Variants in NAV2 observed in about 807,000 individuals in gnomAD.
The protein encoded by NAV2 is helicase, APC down-regulated 1.
NAV2 carries 54 observed loss-of-function variants against 223.2 expected under a neutral mutation model. That is an observed-to-expected ratio of 0.24 (90% confidence interval 0.19 to 0.30). NAV2 has a LOEUF of 0.30. Among genes scored for constraint, NAV2 ranks in the 10% least tolerant of loss-of-function variants. NAV2 has a pLI of 1.00. For synonymous variants in NAV2, 1,279 were observed against 1,239.3 expected, an observed-to-expected ratio of 1.03 and a Z score of -0.67; for missense variants, 2,806 against 3,147.5, an observed-to-expected ratio of 0.89 and a Z score of 2.60.
At chr11:19,718,534 C>T (rs1237763217) in intron 1 of NAV2, among the ~76,000 whole-genome samples, 1 of 131,076 alleles carries the variant, frequency 7.6e-6, no homozygotes, top group East Asian at 2.0e-4. Flanking sequence ...CAACCTGTGG[C>T]AACTTTGCTC....
At chr11:19,643,114 A>G (rs954764410) in intron 1 of NAV2, among the ~76,000 whole-genome samples, 10 of 152,172 alleles carry the variant, frequency 6.6e-5, no homozygotes, top group Non-Finnish European at 2.9e-5. Context: ...TTGATCCTAT[A>G]CACAATTATA....
intron 1 of NAV2, among the ~76,000 whole-genome samples, chr11:19,661,968 AC>A (rs2048294924): frequency 6.6e-6 from 1 of 152,168 alleles, no homozygotes; most frequent in African/African-American, 2.4e-5. Flanking sequence ...GTATATGTCC[AC>A]CCCAATCAAT....
At chr11:19,895,100 CTTTCTTTT>C (rs1223951177) in intron 6 of NAV2, among the ~76,000 whole-genome samples, 1 of 105,084 alleles carries the variant, frequency 9.5e-6, no homozygotes, top group Non-Finnish European at 2.0e-5. Context: ...TTTTCTTTTT[CTTTCTTTT>C]TTTTTTTTTT....
intron 6 of NAV2, among the ~76,000 whole-genome samples, chr11:19,895,036 C>A (rs1029144144): frequency 6.7e-6 from 1 of 150,032 alleles, no homozygotes; most frequent in Admixed American, 6.6e-5. Flanking sequence ...GGCTATCATA[C>A]TTATTTATTA....
intron 1 of NAV2, among the ~76,000 whole-genome samples, chr11:19,734,456 G>A (rs2052093326): frequency 6.6e-6 from 1 of 152,158 alleles, no homozygotes; most frequent in Admixed American, 6.5e-5. Context: ...TTCAGGGTGT[G>A]CTATCCTAAA....
intron 8 of NAV2, among the ~76,000 whole-genome samples, chr11:19,945,952 ATCT>A (rs1695000055): frequency 6.6e-6 from 1 of 152,252 alleles, no homozygotes; most frequent in Admixed American, 6.5e-5. Context: ...ACAGGTGCAG[ATCT>A]TCTAGCTACT....
Position 20,080,094 on chromosome 11 carries a change from G to A in NAV2, c.5210G>A (p.Arg1737His), listed in dbSNP as rs764843299. ...GGCACTGCCCAGTCTGCAGACCTCC[G>A]CATCCGCAGGCAGCACTCCTCAGAC... is the stretch of plus-strand genomic sequence containing the variant. The part of the protein sequence containing the change: ...GNGTAQSADL[R>H]IRRQHSSDSV... Residue 1737 changes from arginine to histidine, a missense_variant, in exon 25 of 38, where the codon CGC (arginine) becomes CAC (histidine). Physicochemically the swap from Arg to His is conservative, Grantham distance 29. Around this residue, in one of 4 missense-constraint regions of NAV2, gnomAD observed 824 missense variants for 1,069.4 expected, o/e 0.77. Coordinates refer to ENST00000349880, the MANE Select transcript of NAV2 (RefSeq NM_145117.5). The A allele has an allele frequency of 1.2e-5, 19 of 1,613,934 alleles. No homozygotes were observed. The highest frequency in any genetic ancestry group is 2.2e-5 in the East Asian group (1 of 44,896).
chr11:20,097,999 A>G (rs1422145731), intron 31 of NAV2, among the ~76,000 whole-genome samples: 1 of 152,182 alleles, frequency 6.6e-6, no homozygotes, highest in Admixed American at 6.5e-5. Flanking sequence ...CTCTGAGATG[A>G]TGGAATCTTA....
chr11:19,952,517 G>A (rs2047482855), intron 10 of NAV2, among the ~76,000 whole-genome samples: 1 of 152,184 alleles, frequency 6.6e-6, no homozygotes, highest in Non-Finnish European at 1.5e-5. Flanking sequence ...ATGTTTATTT[G>A]GCTTAGTAGA....
At chr11:19,976,398 C>T (rs1591501555) in intron 10 of NAV2, among the ~76,000 whole-genome samples, 1 of 152,172 alleles carries the variant, frequency 6.6e-6, no homozygotes. Flanking sequence ...TTCAAGCAGT[C>T]CTCAGCACTG....
chr11:19,824,115 T>G (rs1166209951), intron 1 of NAV2, among the ~76,000 whole-genome samples: 1 of 152,182 alleles, frequency 6.6e-6, no homozygotes, highest in African/African-American at 2.4e-5. Context: ...GGTTGTTTAT[T>G]TACTACATAC....
intron 4 of NAV2, among the ~76,000 whole-genome samples, chr11:19,872,768 G>A (rs1201391093): frequency 2.6e-5 from 4 of 152,232 alleles, no homozygotes; most frequent in South Asian, 2.1e-4. Flanking sequence ...GGGCACAGAC[G>A]GCGGATGCTT....
At chr11:19,502,371 G>A (rs1676292095) in intron 1 of NAV2, among the ~76,000 whole-genome samples, 1 of 152,146 alleles carries the variant, frequency 6.6e-6, no homozygotes, top group South Asian at 2.1e-4. Context: ...AAAGCACTTA[G>A]AATAGAGCCA....
At chr11:19,363,323 A>G (rs959278719) in intron 1 of NAV2, among the ~76,000 whole-genome samples, 1 of 152,090 alleles carries the variant, frequency 6.6e-6, no homozygotes, top group Non-Finnish European at 1.5e-5. Context: ...ATCCTTTTTT[A>G]TGGCTGCATA....
chr11:19,689,299 C>T (rs1319322875), intron 1 of NAV2, among the ~76,000 whole-genome samples: 1 of 152,186 alleles, frequency 6.6e-6, no homozygotes, highest in Non-Finnish European at 1.5e-5. Context: ...ATGCCAAACC[C>T]AAAATAATTT....
chr11:19,574,155 G>A (rs1487204), intron 1 of NAV2, among the ~76,000 whole-genome samples: 81,435 of 152,102 alleles, frequency 0.54, 24,004 homozygotes, highest in Non-Finnish European at 0.68. Flanking sequence ...ATAAAACTGA[G>A]CAAGTTACTG....
intron 1 of NAV2, among the ~76,000 whole-genome samples, chr11:19,424,551 TG>T (rs1197247472): frequency 1.6e-4 from 24 of 152,222 alleles, no homozygotes; most frequent in African/African-American, 5.8e-4. Flanking sequence ...AGTGTTTTTT[TG>T]TTTGTTTGTT....
intron 1 of NAV2, among the ~76,000 whole-genome samples, chr11:19,823,747 G>A (rs759193488): frequency 1.3e-5 from 2 of 152,116 alleles, no homozygotes; most frequent in African/African-American, 2.4e-5. Flanking sequence ...TTATAGTGAC[G>A]TCCCTGGGGC....
chr11:19,562,527 C>T (rs1355963976), intron 1 of NAV2, among the ~76,000 whole-genome samples: 5 of 152,034 alleles, frequency 3.3e-5, no homozygotes, highest in Non-Finnish European at 7.4e-5. Context: ...GTTTTGACAG[C>T]CCTGGAGCTT....
Sources: allele counts gnomAD v4.1 joint callset (sites outside exome capture counted in the v4.1 genomes callset), GRCh38; gene constraint gnomAD v4.1.1; regional missense constraint gnomAD v4.1.1; transcripts MANE v1.5; gene names NCBI Gene and HGNC (gene_info 2026-07-23, HGNC 2026-07-21).